TBC1D5: variants seen among roughly 807,000 people sequenced by gnomAD.
TBC1D5 encodes the protein TBC1 domain family, member 5.
Under a neutral mutation model 100.3 loss-of-function variants are expected in TBC1D5, and 75 were observed. The ratio of observed to expected loss-of-function variants is 0.75; its 90% CI spans 0.62 to 0.91. The LOEUF is 0.91. Among genes scored for constraint, TBC1D5 ranks in the 40% least tolerant of loss-of-function variants. The pLI, the probability that TBC1D5 is intolerant of heterozygous loss-of-function variation, is 0.00. For synonymous variants in TBC1D5, 323 were observed against 325.6 expected, an observed-to-expected ratio of 0.99 and a Z score of 0.09; for missense variants, 910 against 942.4, an observed-to-expected ratio of 0.97 and a Z score of 0.45.
intron 2 of TBC1D5, among the ~76,000 whole-genome samples, chr3:17,541,661 T>C (rs976383447): frequency 6.6e-6 from 1 of 152,222 alleles, no homozygotes; most frequent in Non-Finnish European, 1.5e-5. Flanking sequence ...CACTTCCTTT[T>C]TAATTTGGAT....
chr3:17,714,774 G>T (rs1461577951), intron 1 of TBC1D5, among the ~76,000 whole-genome samples: 2 of 152,054 alleles, frequency 1.3e-5, no homozygotes, highest in Non-Finnish European at 2.9e-5. Flanking sequence ...TTCCAGCCTG[G>T]GCAACATAGT....
At chr3:17,196,547 G>A (rs982581730) in intron 18 of TBC1D5, among the ~76,000 whole-genome samples, 1 of 152,222 alleles carries the variant, frequency 6.6e-6, no homozygotes, top group South Asian at 2.1e-4. Context: ...GCCCTACAGG[G>A]CATACCTTAA....
intron 10 of TBC1D5, among the ~76,000 whole-genome samples, chr3:17,375,491 C>T (rs574749046): frequency 7.4e-4 from 113 of 151,800 alleles, no homozygotes; most frequent in Admixed American, 2.2e-3. Flanking sequence ...CACTTGAACC[C>T]GTAAGGCAGA....
chr3:17,186,932 A>G (rs986578070), intron 18 of TBC1D5, among the ~76,000 whole-genome samples: 1 of 152,100 alleles, frequency 6.6e-6, no homozygotes, highest in African/African-American at 2.4e-5. Context: ...AAGGATAATT[A>G]GAAGTAATTT....
At chr3:17,216,725 C>T (rs991919536) in intron 17 of TBC1D5, among the ~76,000 whole-genome samples, 7 of 152,144 alleles carry the variant, frequency 4.6e-5, no homozygotes, top group African/African-American at 7.2e-5. Context: ...TACTTTTTCA[C>T]GGTAATAATC....
rs767798273 is a variant in TBC1D5 at position 17,682,900 on chromosome 3, A to G, written c.-101+56443T>C. Among the ~76,000 whole-genome samples, 15 of 151,466 alleles carry G rather than the reference A, an allele frequency of 9.9e-5. 1 individual carries two copies. Among genetic ancestry groups the G allele is most frequent in the African/African-American group, 3.7e-4 (15 of 40,772 alleles). On this transcript the variant is annotated intron_variant, in intron 1 of 21. Coordinates refer to ENST00000253692, the Ensembl canonical transcript of TBC1D5. ...TCAGTTACTTATGGCATTCATACCA[A>G]TATCACCCAAACTCCGTTGCCGTCT...
At chr3:17,431,730 A>G (rs2094450710) in intron 3 of TBC1D5, among the ~76,000 whole-genome samples, 1 of 152,090 alleles carries the variant, frequency 6.6e-6, no homozygotes, top group South Asian at 2.1e-4. Flanking sequence ...AAGAAAATGC[A>G]TAATATTGCT....
chr3:17,402,257 A>G (rs978627252), intron 8 of TBC1D5, among the ~76,000 whole-genome samples: 1 of 152,138 alleles, frequency 6.6e-6, no homozygotes, highest in African/African-American at 2.4e-5. Context: ...AGAGAGCGAG[A>G]GGCCTTGACA....
Position 17,189,643 on chromosome 3 carries a change from C to T in TBC1D5, c.1753-4435G>A, listed in dbSNP as rs1023730845. On this transcript the variant is annotated intron_variant, in intron 18 of 21. Coordinates refer to ENST00000253692, the Ensembl canonical transcript of TBC1D5. ...CTCCGACATAAAATATGGCCTACTC[C>T]TCTGTAAGCCACAGTCTCTGGAAGT... Among the ~76,000 whole-genome samples the T allele has an allele frequency of 3.3e-5, 5 of 152,244 alleles. No individual in the cohort carries two copies. The East Asian group carries it at 7.7e-4, about 23-fold the overall frequency.
chr3:17,614,128 T>C (rs1330966124), intron 2 of TBC1D5, among the ~76,000 whole-genome samples: 6 of 152,214 alleles, frequency 3.9e-5, no homozygotes, highest in African/African-American at 1.4e-4. Flanking sequence ...CTCAGCACCA[T>C]TTATTAAATA....
rs916253805 is a variant in TBC1D5 at position 17,725,389 on chromosome 3, A to T, written c.-101+13954T>A. ...TATAACTACTTAGGAGCGAAGAAGT[A>T]TTTTTTTTTTTTTTTAGGTCCAAGG... On this transcript the variant is annotated intron_variant, in intron 1 of 21. Transcript: ENST00000253692. Among the ~76,000 whole-genome samples the T allele has an allele frequency of 1.0e-3, 144 of 144,008 alleles. 1 individual carries two copies. The highest frequency in any genetic ancestry group is 3.4e-3 in the African/African-American group (133 of 39,334). 94.5% of individuals were successfully genotyped at this position (144,008 alleles called of 152,430 possible).
chr3:17,362,722 T>A (rs2091827686), intron 13 of TBC1D5, among the ~76,000 whole-genome samples: 1 of 152,180 alleles, frequency 6.6e-6, no homozygotes, highest in African/African-American at 2.4e-5. Context: ...TCTGCCCGCC[T>A]CGGCCTGCCA....
At chr3:17,545,486 C>T (rs1202508594) in intron 2 of TBC1D5, among the ~76,000 whole-genome samples, 2 of 152,180 alleles carry the variant, frequency 1.3e-5, no homozygotes, top group Non-Finnish European at 2.9e-5. Flanking sequence ...AATACAGAAC[C>T]TTTCTTATTT....
chr3:17,574,456 C>T (rs2096645555), intron 2 of TBC1D5, among the ~76,000 whole-genome samples: 1 of 152,094 alleles, frequency 6.6e-6, no homozygotes. Context: ...CCAAGTAGCA[C>T]TGCTATCAAC....
chr3:17,356,453 A>C (rs2091220264), intron 13 of TBC1D5, among the ~76,000 whole-genome samples: 2 of 152,184 alleles, frequency 1.3e-5, no homozygotes, highest in Non-Finnish European at 2.9e-5. Flanking sequence ...GTGATACTAA[A>C]ACAAAGCATA....
chr3:17,299,372 T>C (rs759347891), intron 14 of TBC1D5, among the ~76,000 whole-genome samples: 6 of 152,122 alleles, frequency 3.9e-5, no homozygotes, highest in African/African-American at 7.2e-5. Flanking sequence ...TTTTTGAATC[T>C]TGGTTGGTAT....
At chr3:17,441,336 T>C (rs2094650698) in intron 3 of TBC1D5, among the ~76,000 whole-genome samples, 1 of 152,178 alleles carries the variant, frequency 6.6e-6, no homozygotes, top group Non-Finnish European at 1.5e-5. Flanking sequence ...CGGATAATTA[T>C]AAGAGCTGTA....
At chr3:17,468,380 G>A (rs959917903) in intron 3 of TBC1D5, among the ~76,000 whole-genome samples, 1 of 151,818 alleles carries the variant, frequency 6.6e-6, no homozygotes, top group African/African-American at 2.4e-5. Flanking sequence ...TTAAATATTA[G>A]CTCAATTTTT....
chr3:17,316,392 T>C (rs1211397606), intron 13 of TBC1D5, among the ~76,000 whole-genome samples: 1 of 152,166 alleles, frequency 6.6e-6, no homozygotes, highest in Non-Finnish European at 1.5e-5. Context: ...CCTTTGAGAA[T>C]GTAATCAAGC....
Sources: gnomAD v4.1 joint callset for allele counts (sites outside exome capture counted in the v4.1 genomes callset) on GRCh38, gnomAD v4.1.1 for gene constraint, MANE v1.5 for transcripts, NCBI Gene and HGNC (gene_info 2026-07-23, HGNC 2026-07-21) for gene names.